PLXNA4: variants seen among roughly 807,000 people sequenced by gnomAD.
PLXNA4 encodes plexin A4.
Under a neutral mutation model 191.8 loss-of-function variants are expected in PLXNA4, and 44 were observed. The observed-to-expected ratio is 0.23, with a 90% CI of 0.18 to 0.29. The LOEUF is 0.29. Ranked by LOEUF, PLXNA4 falls within the 10% of genes least tolerant of loss-of-function variation. PLXNA4 has a pLI of 1.00. For missense variants in PLXNA4, 1,800 were observed against 2,488.8 expected (o/e 0.72, Z 5.89); for synonymous variants, 1,082 against 1,009.5 (o/e 1.07, Z -1.36).
Position 132,140,812 on chromosome 7 carries a change from C to G in PLXNA4, c.5226-1G>C. On this transcript the variant is annotated splice_acceptor_variant, in intron 29 of 31. Coordinates refer to ENST00000321063, the MANE Select transcript of PLXNA4 (RefSeq NM_020911.2). LOFTEE classifies it high-confidence loss of function. Reference sequence around the variant, plus strand: ...GTTGACCCAAAACCTCAGGGGCAGGCTGCGTGGAAGGAAGAGGCAGATGGT... The same window carrying G: ...GTTGACCCAAAACCTCAGGGGCAGGGTGCGTGGAAGGAAGAGGCAGATGGT... 6.2e-7 allele frequency: 1 copy of G among 1,613,820 alleles called. No individual in the cohort carries two copies. The highest frequency in any genetic ancestry group is 8.5e-7 in the Non-Finnish European group (1 of 1,179,896).
At chr7:132,496,676 A>AG (rs1331587743) in intron 2 of PLXNA4, among the ~76,000 whole-genome samples, 1 of 152,196 alleles carries the variant, frequency 6.6e-6, no homozygotes, top group Admixed American at 6.5e-5. Context: ...CTGAGATTAT[A>AG]GGCATGAGCT....
intron 3 of PLXNA4, among the ~76,000 whole-genome samples, chr7:132,371,274 G>A (rs576145924): frequency 1.3e-5 from 2 of 152,174 alleles, no homozygotes; most frequent in South Asian, 2.1e-4. Flanking sequence ...GTTAAGACTG[G>A]GCTGTTTGGG....
intron 4 of PLXNA4, among the ~76,000 whole-genome samples, chr7:132,273,296 C>A (rs547827899): frequency 2.0e-5 from 3 of 151,788 alleles, no homozygotes. Context: ...GAACTGAAAC[C>A]CTTTAATTCA....
intron 12 of PLXNA4, among the ~76,000 whole-genome samples, 191 bp from the exon 13 acceptor site, chr7:132,198,827 T>C (rs1405389491): frequency 6.6e-6 from 1 of 152,174 alleles, no homozygotes; most frequent in South Asian, 2.1e-4. Flanking sequence ...TCCATGTTTG[T>C]GTGTGTCACT....
At chr7:132,596,874 A>AAC (rs1802719521) in intron 2 of PLXNA4, among the ~76,000 whole-genome samples, 1 of 151,750 alleles carries the variant, frequency 6.6e-6, no homozygotes, top group Non-Finnish European at 1.5e-5. Context: ...TGAAAAAAAA[A>AAC]AAAACAGCAT....
chr7:132,374,760 AC>A (rs1193020661), intron 3 of PLXNA4, among the ~76,000 whole-genome samples: 2 of 152,208 alleles, frequency 1.3e-5, no homozygotes, highest in East Asian at 3.8e-4. Context: ...AGTGTGAGGC[AC>A]TTGCACCAAC....
intron 3 of PLXNA4, among the ~76,000 whole-genome samples, chr7:132,371,730 T>C (rs1306933257): frequency 1.3e-5 from 2 of 152,114 alleles, no homozygotes; most frequent in African/African-American, 4.8e-5. Flanking sequence ...TCAAGGACAG[T>C]AACTCCTTTA....
intron 9 of PLXNA4, 72 bp from the exon 10 acceptor site, chr7:132,211,215 C>A: frequency 2.8e-6 from 4 of 1,454,448 alleles, no homozygotes; most frequent in East Asian, 2.5e-5. Context: ...GCAGACATAA[C>A]CCGGATGTTC....
At chr7:132,370,850 A>C (rs968880469) in intron 3 of PLXNA4, among the ~76,000 whole-genome samples, 2 of 152,220 alleles carry the variant, frequency 1.3e-5, no homozygotes, top group African/African-American at 2.4e-5. Context: ...CTGTGTGGGC[A>C]TACCACGTCC....
chr7:132,206,437 G>GGTGT (rs61032250), intron 10 of PLXNA4, among the ~76,000 whole-genome samples: 13,434 of 148,320 alleles, frequency 0.091, 871 homozygotes, highest in East Asian at 0.3. Flanking sequence ...TATGTTTTCT[G>GGTGT]GTGTGTGTGT....
intron 3 of PLXNA4, among the ~76,000 whole-genome samples, chr7:132,396,851 C>T (rs956709978): frequency 2.0e-5 from 3 of 152,254 alleles, no homozygotes; most frequent in African/African-American, 7.2e-5. Context: ...CTCTTAACCA[C>T]GGTGCAGTGC....
chr7:132,437,746 C>G (rs1030178992), intron 3 of PLXNA4, among the ~76,000 whole-genome samples: 7 of 152,090 alleles, frequency 4.6e-5, no homozygotes, highest in Non-Finnish European at 1.0e-4. Context: ...CCTGAAGATA[C>G]AGCAAAACCC....
chr7:132,307,091 C>G (rs1312802877), intron 3 of PLXNA4, among the ~76,000 whole-genome samples: 1 of 152,090 alleles, frequency 6.6e-6, no homozygotes, highest in Non-Finnish European at 1.5e-5. Context: ...TGATGGGCTG[C>G]AAGTCCATCT....
At chr7:132,198,380 C>A in intron 13 of PLXNA4, 105 bp downstream of exon 13, 1 of 1,462,670 alleles carries the variant, frequency 6.8e-7, no homozygotes, top group Non-Finnish European at 9.1e-7. Context: ...CTCCTTTTTC[C>A]CCCACAACAA....
intron 3 of PLXNA4, among the ~76,000 whole-genome samples, chr7:132,346,749 T>C (rs1437021347): frequency 6.6e-6 from 1 of 152,236 alleles, no homozygotes; most frequent in East Asian, 1.9e-4. Context: ...TACTTAGAGA[T>C]GAGTTCTGGA....
intron 9 of PLXNA4, among the ~76,000 whole-genome samples, chr7:132,222,217 G>A (rs190460696): frequency 3.3e-5 from 5 of 152,128 alleles, no homozygotes; most frequent in Admixed American, 6.5e-5. Context: ...ATCAGGATTC[G>A]GGCAAAACGG....
At chr7:132,191,125 C>T (rs907622626) in intron 14 of PLXNA4, among the ~76,000 whole-genome samples, 7 of 152,066 alleles carry the variant, frequency 4.6e-5, no homozygotes, top group Non-Finnish European at 7.4e-5. Context: ...ACAGAGGAGC[C>T]TGGGCAATGT....
chr7:132,230,839 T>A (rs182248320), intron 5 of PLXNA4, among the ~76,000 whole-genome samples: 143 of 152,336 alleles, frequency 9.4e-4, no homozygotes, highest in African/African-American at 3.3e-3. Context: ...GATTAAATTA[T>A]GAAGAGAGCG....
intron 13 of PLXNA4, among the ~76,000 whole-genome samples, chr7:132,197,674 T>C (rs1797295156): frequency 2.0e-5 from 3 of 152,036 alleles, no homozygotes; most frequent in Admixed American, 6.5e-5. Context: ...GGAGATCTCA[T>C]GGAAATCAGG....
Sources: allele counts gnomAD v4.1 joint callset (sites outside exome capture counted in the v4.1 genomes callset), GRCh38; gene constraint gnomAD v4.1.1; transcripts MANE v1.5; gene names NCBI Gene and HGNC (gene_info 2026-07-23, HGNC 2026-07-21).